Variants in TET2 observed in about 807,000 individuals in gnomAD.
TET2 encodes methylcytosine dioxygenase TET2.
TET2 carries 299 observed loss-of-function variants against 142.9 expected under a neutral mutation model. That is an observed-to-expected ratio of 2.09 (90% confidence interval 1.90 to 2.30). TET2 has a LOEUF of 2.30. Ranked by LOEUF, TET2 falls within the 30% of genes most tolerant of loss-of-function variation. TET2 has a pLI of 0.00. For synonymous variants in TET2, 819 were observed against 849.0 expected, an observed-to-expected ratio of 0.96 and a Z score of 0.61; for missense variants, 2,418 against 2,378.0, an observed-to-expected ratio of 1.02 and a Z score of -0.35.
chr4:105,268,706 C>T (rs549358017), intron 8 of TET2, among the ~76,000 whole-genome samples: 1 of 152,318 alleles, frequency 6.6e-6, no homozygotes, highest in South Asian at 2.1e-4. Context: ...CGCAGTGGCT[C>T]ACGCCTGTAA....
intron 1 of TET2, among the ~76,000 whole-genome samples, chr4:105,166,077 C>T (rs2110397069): frequency 6.6e-6 from 1 of 152,152 alleles, no homozygotes; most frequent in African/African-American, 2.4e-5. Flanking sequence ...TTCTCTTGTG[C>T]TTCATTTCTC....
Position 105,233,952 on chromosome 4 carries a change from G to T in TET2, c.10G>T (p.Asp4Tyr), listed in dbSNP as rs1465868048. Reference protein sequence around the residue: MEQDRTNHVEGNRL... With the variant: MEQYRTNHVEGNRL... ...CCCCGAAGCAAGCCTGATGGAACAG[G>T]ATAGAACCAACCATGTTGAGGGCAA... is the stretch of plus-strand genomic sequence containing the variant. The change falls in exon 3 of 11, where the codon GAT (aspartate) becomes TAT (tyrosine). Residue 4 changes from aspartate (D) to tyrosine (Y), a missense_variant. Asp to Tyr is a radical substitution (Grantham distance 160). Transcript: ENST00000380013. 1.3e-5 allele frequency: 21 copies of T among 1,613,792 alleles called. No homozygotes were observed. The highest frequency in any genetic ancestry group is 1.8e-5 in the Non-Finnish European group (21 of 1,179,904).
At chr4:105,209,129 G>A (rs1247385842) in intron 2 of TET2, among the ~76,000 whole-genome samples, 4 of 127,562 alleles carry the variant, frequency 3.1e-5, no homozygotes, top group Admixed American at 2.7e-4. Flanking sequence ...TAGCAAAACT[G>A]AATACACTGG....
chr4:105,192,309 T>G (rs1725836675), intron 2 of TET2, among the ~76,000 whole-genome samples: 1 of 152,144 alleles, frequency 6.6e-6, no homozygotes, highest in Non-Finnish European at 1.5e-5. Context: ...AAAAATCTTG[T>G]TTTGCATTTA....
In TET2 at chr4:105,188,596, G is replaced by A. The variant is rs566349550; in HGVS notation, c.-192-1764G>A. Among the ~76,000 whole-genome samples the A allele has an allele frequency of 1.1e-4, 16 of 152,266 alleles. No homozygotes were observed. The South Asian group carries it at 3.3e-3, about 32-fold the overall frequency. ...AGAAGCATTATTTATGAGGCTAAAAGTGGAAGTAACCCAAAAGTTCATCAT... is the reference window on the plus strand; with the variant it reads ...AGAAGCATTATTTATGAGGCTAAAAATGGAAGTAACCCAAAAGTTCATCAT... On this transcript the variant is annotated intron_variant, in intron 1 of 10. Coordinates refer to ENST00000380013, the MANE Select transcript of TET2 (RefSeq NM_001127208.3).
intron 9 of TET2, among the ~76,000 whole-genome samples, chr4:105,270,674 T>TTATATATATA (rs3055846): frequency 2.7e-5 from 4 of 149,360 alleles, no homozygotes; most frequent in Non-Finnish European, 6.0e-5. Context: ...TAGATACATG[T>TTATATATATA]TATATATATA....
intron 8 of TET2, among the ~76,000 whole-genome samples, chr4:105,266,348 A>T (rs923389904): frequency 5.3e-5 from 8 of 150,790 alleles, no homozygotes; most frequent in South Asian, 2.1e-4. Context: ...TACAAAAATT[A>T]AAAAAAAAAT....
intron 2 of TET2, among the ~76,000 whole-genome samples, chr4:105,224,756 G>A (rs112189018): frequency 2.2e-5 from 3 of 135,266 alleles, no homozygotes; most frequent in South Asian, 2.3e-4. Context: ...ATTTATTCTG[G>A]GGCATTAGCT....
At chr4:105,246,056 G>C (rs1018725706) in intron 6 of TET2, among the ~76,000 whole-genome samples, 17 of 151,982 alleles carry the variant, frequency 1.1e-4, no homozygotes, top group African/African-American at 3.9e-4. Context: ...ACAGCCTCCC[G>C]AGTAGCTAGA....
chr4:105,262,365 AT>A (rs148173628), intron 8 of TET2, among the ~76,000 whole-genome samples: 14,049 of 150,608 alleles, frequency 0.093, 1,763 homozygotes, highest in African/African-American at 0.29. Flanking sequence ...AAGCAAAAAC[AT>A]TTTTTTTTTC....
At chr4:105,242,985 T>A in intron 5 of TET2, 58 bp downstream of exon 5, 1 of 1,405,662 alleles carries the variant, frequency 7.1e-7, no homozygotes, top group Non-Finnish European at 9.8e-7. Context: ...GATTTGTAAA[T>A]CTGACCCTGA....
intron 10 of TET2, among the ~76,000 whole-genome samples, chr4:105,274,205 T>C (rs1217537420): frequency 6.6e-6 from 1 of 152,234 alleles, no homozygotes; most frequent in Non-Finnish European, 1.5e-5. Context: ...CTGCAGGTAA[T>C]AATCCCTTCT....
At chr4:105,255,514 T>C (rs1730078048) in intron 6 of TET2, among the ~76,000 whole-genome samples, 1 of 152,164 alleles carries the variant, frequency 6.6e-6, no homozygotes, top group South Asian at 2.1e-4. Context: ...GTTTATAGTG[T>C]TTTTTACAAC....
In TET2 at chr4:105,235,771, A is replaced by G. The variant is rs1294707846; in HGVS notation, c.1829A>G (p.Asn610Ser). The G allele has an allele frequency of 3.1e-6, 5 of 1,614,186 alleles. No homozygotes were observed. The highest frequency in any genetic ancestry group is 3.3e-4 in the Middle Eastern group (2 of 6,062). The part of the protein sequence containing the change: ...MTSKQYTGNS[N>S]MPGGLPRQAY... ...TCCAAACAATACACTGGAAATTCCAACATGCCTGGGGGGCTCCCAAGGCAA... is the reference window on the plus strand; with the variant it reads ...TCCAAACAATACACTGGAAATTCCAGCATGCCTGGGGGGCTCCCAAGGCAA... The change falls in exon 3 of 11, where the codon AAC becomes AGC. Residue 610 changes from asparagine (N) to serine (S), a missense_variant. By Grantham distance (46) the Asn-to-Ser change is conservative. Transcript: ENST00000380013.
chr4:105,209,095 A>ATATATATG (rs1727008415), intron 2 of TET2, among the ~76,000 whole-genome samples: 1 of 119,396 alleles, frequency 8.4e-6, no homozygotes, highest in Non-Finnish European at 1.7e-5. Flanking sequence ...ATATATATAT[A>ATATATATG]TATGTTTGAG....
intron 1 of TET2, among the ~76,000 whole-genome samples, chr4:105,162,679 C>T (rs1723918062): frequency 6.6e-6 from 1 of 152,204 alleles, no homozygotes; most frequent in Non-Finnish European, 1.5e-5. Flanking sequence ...AATGTTGCTG[C>T]ATGCCTTCAT....
chr4:105,241,638 C>T, intron 4 of TET2: 4 of 1,286,790 alleles, frequency 3.1e-6, no homozygotes, highest in Non-Finnish European at 4.0e-6. Context: ...CTAGCTGGCA[C>T]AGGCTGCCCA....
intron 1 of TET2, chr4:105,171,626 T>C (rs1350895956): frequency 2.0e-5 from 3 of 152,234 alleles, no homozygotes; most frequent in Non-Finnish European, 4.4e-5. Flanking sequence ...GTATTGATGC[T>C]ACCAAGATGC....
At chr4:105,175,548 G>GA (rs1400599912) in intron 1 of TET2, among the ~76,000 whole-genome samples, 2 of 151,808 alleles carry the variant, frequency 1.3e-5, no homozygotes, top group Non-Finnish European at 2.9e-5. Context: ...AAAAGACTGT[G>GA]AAAAAAACAG....
Sources: gnomAD v4.1 joint callset for allele counts (sites outside exome capture counted in the v4.1 genomes callset) on GRCh38, gnomAD v4.1.1 for gene constraint, MANE v1.5 for transcripts, NCBI Gene and HGNC (gene_info 2026-07-23, HGNC 2026-07-21) for gene names.